The following ALK variants were observed in gnomAD, a reference collection of about 807,000 sequenced individuals.
ALK encodes the protein ALK receptor tyrosine kinase, also known as ALK tyrosine kinase receptor.
ALK carries 74 observed loss-of-function variants against 163.1 expected under a neutral mutation model. That is an observed-to-expected ratio of 0.45 (90% CI 0.38 to 0.55). ALK has a LOEUF of 0.55. Among genes scored for constraint, ALK ranks in the 20% least tolerant of loss-of-function variants. The probability of loss-of-function intolerance (pLI) is 0.00; values close to 1 mark genes in which losing one functional copy is unlikely to be tolerated. For synonymous variants in ALK, 960 were observed against 843.2 expected (o/e 1.14, Z -2.40); for missense variants, 2,063 against 2,105.3 (o/e 0.98, Z 0.39).
chr2:29,677,801 T>C (rs947752591), intron 3 of ALK, among the ~76,000 whole-genome samples: 6 of 152,078 alleles, frequency 3.9e-5, no homozygotes, highest in Non-Finnish European at 8.8e-5. Context: ...AGTGGCCTCA[T>C]AGAATGAGTT....
At chr2:29,268,941 G>A (rs2049707) in intron 11 of ALK, among the ~76,000 whole-genome samples, 92,186 of 152,066 alleles carry the variant, frequency 0.61, 29,484 homozygotes, top group East Asian at 0.78. Flanking sequence ...ACATATAAAC[G>A]TATGTGATCC....
intron 4 of ALK, among the ~76,000 whole-genome samples, chr2:29,523,858 GTTTTTTTTTTTTTTTTTT>G (rs58587837): frequency 2.7e-5 from 3 of 110,950 alleles, no homozygotes; most frequent in African/African-American, 7.1e-5. Flanking sequence ...GAAGCTGAAG[GTTTTTTTTTTTTTTTTTT>G]TTTTTTTTTT....
chr2:29,208,071 G>C (rs1479653769), intron 25 of ALK: 1 of 440,512 alleles, frequency 2.3e-6, no homozygotes, highest in East Asian at 8.7e-5. Context: ...GACATAAATA[G>C]GTCAGTCTCT....
At chr2:29,216,346 T>C (rs1669606269) in intron 23 of ALK, among the ~76,000 whole-genome samples, 1 of 151,788 alleles carries the variant, frequency 6.6e-6, no homozygotes, top group Non-Finnish European at 1.5e-5. Flanking sequence ...GCCCTAGCTG[T>C]GCTAGGGCCT....
At position 29,921,164 on chromosome 2, in the gene ALK, C is replaced by T; in HGVS notation, c.-505G>A. 1 of 236,578 alleles carries T rather than the reference C, an allele frequency of 4.2e-6. No homozygotes were observed. The highest frequency in any genetic ancestry group is 8.3e-6 in the Non-Finnish European group (1 of 120,458). The allele number at this position is 236,578 out of a possible 1,614,324, so 14.7% of individuals were successfully genotyped here. ...GCCGCCTTTTGCGTTCCTTTTGGCT[C>T]CTCCAAGCTCTTCTGCCCGGTCTGG... is the stretch of plus-strand genomic sequence containing the variant. On this transcript the variant is annotated 5_prime_UTR_variant, in exon 1 of 29. Coordinates refer to ENST00000389048, the MANE Select transcript of ALK (RefSeq NM_004304.5).
intron 4 of ALK, among the ~76,000 whole-genome samples, chr2:29,523,219 T>C (rs751817879): frequency 2.0e-5 from 3 of 152,190 alleles, no homozygotes; most frequent in Non-Finnish European, 2.9e-5. Context: ...CTGTGTGGAA[T>C]GTCTTCCTCT....
chr2:29,883,562 G>A (rs1255861611), intron 1 of ALK, among the ~76,000 whole-genome samples: 2 of 152,136 alleles, frequency 1.3e-5, no homozygotes, highest in Non-Finnish European at 2.9e-5. Flanking sequence ...GGCTCACAGG[G>A]GCCCTCAGTA....
At chr2:29,336,480 G>T (rs1479267233) in intron 5 of ALK, among the ~76,000 whole-genome samples, 1 of 152,154 alleles carries the variant, frequency 6.6e-6, no homozygotes, top group Non-Finnish European at 1.5e-5. Flanking sequence ...ACATTTGTTT[G>T]CCCATTTATC....
chr2:29,603,583 C>G (rs550207608), intron 3 of ALK, among the ~76,000 whole-genome samples: 2 of 152,002 alleles, frequency 1.3e-5, no homozygotes, highest in Non-Finnish European at 2.9e-5. Context: ...CCATCATGGT[C>G]TGAACTAGTT....
At chr2:29,388,087 C>T (rs75327176) in intron 4 of ALK, among the ~76,000 whole-genome samples, 19,425 of 152,204 alleles carry the variant, frequency 0.13, 1,598 homozygotes, top group Non-Finnish European at 0.18. Flanking sequence ...ACAAGAAGCT[C>T]TGACATGGAA....
intron 1 of ALK, among the ~76,000 whole-genome samples, chr2:29,879,897 A>T (rs1446938611): frequency 6.6e-6 from 1 of 152,250 alleles, no homozygotes; most frequent in Non-Finnish European, 1.5e-5. Flanking sequence ...AAGAAAAGAA[A>T]GGCCGCCTGA....
intron 4 of ALK, 102 bp downstream of exon 4, chr2:29,531,813 C>T (rs1673126049): frequency 2.5e-6 from 3 of 1,221,820 alleles, no homozygotes; most frequent in Non-Finnish European, 3.6e-6. Flanking sequence ...GATTAAAGGA[C>T]AATCATGAGT....
chr2:29,889,746 AG>A (rs2148423817), intron 1 of ALK, among the ~76,000 whole-genome samples: 1 of 117,484 alleles, frequency 8.5e-6, no homozygotes, highest in African/African-American at 3.3e-5. Flanking sequence ...AGAGAGAGAG[AG>A]AGAGAGAGAG....
At chr2:29,456,460 C>G (rs1027888828) in intron 4 of ALK, among the ~76,000 whole-genome samples, 1 of 151,952 alleles carries the variant, frequency 6.6e-6, no homozygotes, top group Admixed American at 6.6e-5. Context: ...AAGCCAGTCA[C>G]AAAAAGACAA....
At chr2:29,887,429 G>C (rs1667012980) in intron 1 of ALK, among the ~76,000 whole-genome samples, 1 of 152,188 alleles carries the variant, frequency 6.6e-6, no homozygotes, top group Non-Finnish European at 1.5e-5. Flanking sequence ...TCAGGAGAAA[G>C]CTGCACGACC....
chr2:29,672,283 G>A (rs1172784187), intron 3 of ALK, among the ~76,000 whole-genome samples: 57 of 151,076 alleles, frequency 3.8e-4, no homozygotes, highest in East Asian at 2.0e-4. Flanking sequence ...CCACTAACTC[G>A]TCATCTAGCA....
Position 29,705,240 on chromosome 2 carries a change from AATATATATATATATATAT to A in ALK, c.788-10244_788-10227del, listed in dbSNP as rs1172702963. The stretch of plus-strand genomic sequence containing the variant: ...CTCAACAAAAAAAGAAAAGAAAAGA[AATATATATATATATATAT>A]ATATATATATATATATATATATAAA... On this transcript the variant is annotated intron_variant, in intron 2 of 28. Transcript: ENST00000389048. Among the ~76,000 whole-genome samples, 28 of 47,164 alleles carry A rather than the reference AATATATATATATATATAT, an allele frequency of 5.9e-4. 1 individual carries two copies. The South Asian group carries it at 0.023, about 39-fold the overall frequency. The allele number at this position is 47,164 out of a possible 152,430, so 30.9% of individuals were successfully genotyped here. A position where few individuals can be genotyped will look rare whatever the true frequency, so the allele number is the denominator to read the frequency against.
At chr2:29,553,878 G>A (rs201010881) in intron 3 of ALK, among the ~76,000 whole-genome samples, 2 of 151,652 alleles carry the variant, frequency 1.3e-5, no homozygotes, top group Non-Finnish European at 2.9e-5. Flanking sequence ...TGTTTTTTTT[G>A]TTCAGTTATC....
At chr2:29,868,537 T>C (rs112260202) in intron 1 of ALK, among the ~76,000 whole-genome samples, 1 of 151,830 alleles carries the variant, frequency 6.6e-6, no homozygotes, top group Non-Finnish European at 1.5e-5. Context: ...TTAAATAGAG[T>C]GGTCGGTCAG....
Sources: gnomAD v4.1 joint callset for allele counts (sites outside exome capture counted in the v4.1 genomes callset) on GRCh38, gnomAD v4.1.1 for gene constraint, MANE v1.5 for transcripts, NCBI Gene and HGNC (gene_info 2026-07-23, HGNC 2026-07-21) for gene names.